Variants in PPP5C observed in about 807,000 individuals in gnomAD.
PPP5C encodes the protein serine/threonine-protein phosphatase 5.
PPP5C carries 21 observed loss-of-function variants against 66.7 expected under a neutral mutation model. The ratio of observed to expected loss-of-function variants is 0.31; its 90% confidence interval spans 0.22 to 0.45. The LOEUF (loss-of-function observed/expected upper bound fraction) is 0.45. Among genes scored for constraint, PPP5C ranks in the 20% least tolerant of loss-of-function variants. The probability of loss-of-function intolerance (pLI) is 1.00; values close to 1 mark genes in which losing one functional copy is unlikely to be tolerated. For synonymous variants in PPP5C, 246 were observed against 257.4 expected (o/e 0.96, Z 0.43); for missense variants, 464 against 675.9 (o/e 0.69, Z 3.48).
intron 1 of PPP5C, among the ~76,000 whole-genome samples, chr19:46,351,478 C>T (rs77696259): frequency 0.016 from 2,438 of 152,328 alleles, 70 homozygotes; most frequent in African/African-American, 0.056. Context: ...GTAAAATCCT[C>T]ACGGCCACCC....
At chr19:46,385,936 C>G (rs1972876446) in intron 7 of PPP5C, among the ~76,000 whole-genome samples, 1 of 143,826 alleles carries the variant, frequency 7.0e-6, no homozygotes, top group African/African-American at 2.6e-5. Context: ...AGAGCAAGAC[C>G]CTGTCTCTTT....
intron 2 of PPP5C, among the ~76,000 whole-genome samples, chr19:46,367,553 TAACTTAA>T (rs1041642940): frequency 6.6e-6 from 1 of 152,104 alleles, no homozygotes; most frequent in Non-Finnish European, 1.5e-5. Context: ...AGTGGATTTG[TAACTTAA>T]AACCCACTCA....
At chr19:46,350,329 A>T (rs886481157) in intron 1 of PPP5C, among the ~76,000 whole-genome samples, 1 of 152,180 alleles carries the variant, frequency 6.6e-6, no homozygotes, top group Non-Finnish European at 1.5e-5. Context: ...TGTCTCAGCC[A>T]GGTGATGGGG....
chr19:46,350,920 G>A (rs1318914996), intron 1 of PPP5C, among the ~76,000 whole-genome samples: 1 of 152,172 alleles, frequency 6.6e-6, no homozygotes, highest in Non-Finnish European at 1.5e-5. Flanking sequence ...GGGCTCAGAG[G>A]ACTGTCCCCT....
intron 2 of PPP5C, among the ~76,000 whole-genome samples, chr19:46,363,641 G>A (rs976138107): frequency 6.6e-6 from 1 of 151,916 alleles, no homozygotes; most frequent in South Asian, 2.1e-4. Context: ...ATGTTGGCCA[G>A]ATGGTCTCGA....
chr19:46,386,077 T>A (rs961731423), intron 7 of PPP5C, among the ~76,000 whole-genome samples: 1 of 152,082 alleles, frequency 6.6e-6, no homozygotes, highest in African/African-American at 2.4e-5. Context: ...TCTGGAGGGC[T>A]ATGGCTGCCA....
intron 2 of PPP5C, among the ~76,000 whole-genome samples, chr19:46,366,455 C>G (rs1972492970): frequency 6.6e-6 from 1 of 152,042 alleles, no homozygotes; most frequent in South Asian, 2.1e-4. Context: ...AAGTGATCCT[C>G]CCACCTCAGC....
intron 2 of PPP5C, among the ~76,000 whole-genome samples, chr19:46,357,870 C>T (rs959017766): frequency 2.0e-5 from 3 of 152,174 alleles, no homozygotes; most frequent in Non-Finnish European, 4.4e-5. Flanking sequence ...CCAGTCCTTT[C>T]GGGTTTTTAT....
intron 1 of PPP5C, among the ~76,000 whole-genome samples, chr19:46,349,982 G>T (rs1301472819): frequency 2.0e-5 from 3 of 150,944 alleles, no homozygotes; most frequent in Non-Finnish European, 3.0e-5. Flanking sequence ...AGTAGATTGC[G>T]CAGGGCTGTA....
chr19:46,373,114 T>C (rs1972623910), intron 2 of PPP5C, among the ~76,000 whole-genome samples: 1 of 152,228 alleles, frequency 6.6e-6, no homozygotes, highest in South Asian at 2.1e-4. Context: ...CTGGCAGGCC[T>C]GGATTCAGAC....
chr19:46,390,028 C>T (rs1419290213), intron 11 of PPP5C, 23 bp from the exon 12 acceptor site: 1 of 1,611,564 alleles, frequency 6.2e-7, no homozygotes, highest in African/African-American at 1.3e-5. Flanking sequence ...ACCACACTGT[C>T]CACTCTGCTC....
rs1972698758 is a variant in PPP5C, at chr19:46,376,495, A to G, written c.554A>G (p.Lys185Arg). 6.2e-6 allele frequency: 10 copies of G among 1,613,852 alleles called. No homozygotes were observed. The South Asian group carries it at 1.1e-4, about 18-fold the overall frequency. Residue 185 changes from lysine (K) to arginine (R), a missense_variant, in exon 4 of 13, where the codon AAA (lysine) becomes AGA (arginine). Physicochemically the swap from Lys to Arg is conservative, Grantham distance 26. This residue lies in a region of PPP5C where 387 missense variants were observed against 626.0 expected (regional missense o/e 0.62). Transcript: ENST00000012443. This position sits in a 1 kb window ranked among gnomAD's most constrained non-coding sequence, Gnocchi z 5.1. Reference sequence around the variant, plus strand: ...AGCGGACCCAAGCTTGAAGACGGCAAAGTGACAATCAGTTTCATGAAGGAG... The same window carrying G: ...AGCGGACCCAAGCTTGAAGACGGCAGAGTGACAATCAGTTTCATGAAGGAG... ...EYSGPKLEDG[K>R]VTISFMKELM...
intron 2 of PPP5C, among the ~76,000 whole-genome samples, chr19:46,372,524 C>T (rs149539318): frequency 6.6e-6 from 1 of 152,192 alleles, no homozygotes; most frequent in Admixed American, 6.5e-5. Context: ...TCTACCAAAT[C>T]ACCTTACTAA....
chr19:46,360,034 C>T (rs1972356412), intron 2 of PPP5C, among the ~76,000 whole-genome samples: 1 of 152,080 alleles, frequency 6.6e-6, no homozygotes, highest in African/African-American at 2.4e-5. Flanking sequence ...CTGCCTCGGC[C>T]TCACAGAGTG....
chr19:46,385,390 TC>T (rs1972864770), intron 7 of PPP5C, among the ~76,000 whole-genome samples: 1 of 152,148 alleles, frequency 6.6e-6, no homozygotes, highest in Non-Finnish European at 1.5e-5. Context: ...ACACCTGTAA[TC>T]CCAGCACTTT....
At chr19:46,357,143 G>A (rs1457794369) in intron 2 of PPP5C, among the ~76,000 whole-genome samples, 1 of 152,192 alleles carries the variant, frequency 6.6e-6, no homozygotes, top group East Asian at 1.9e-4. Context: ...TGCCTCTTGG[G>A]TTCAAGCGAT....
chr19:46,357,945 A>G (rs1422613039), intron 2 of PPP5C, among the ~76,000 whole-genome samples: 2 of 152,164 alleles, frequency 1.3e-5, no homozygotes, highest in Non-Finnish European at 2.9e-5. Context: ...CTTAACCTTC[A>G]GCCCTTCTCC....
In PPP5C at chr19:46,388,364, G is replaced by A. The variant is rs780755801; in HGVS notation, c.1136-44G>A. 3.5e-5 allele frequency: 55 copies of A among 1,583,318 alleles called. No homozygotes were observed. The highest frequency in any genetic ancestry group is 3.3e-4 in the South Asian group (29 of 87,750). ...AGGTGGCCTGTGAGTGACCACCCCC[G>A]GGGAGGTGGACGAGTCCCTAATGTT... On this transcript the variant is annotated intron_variant, in intron 9 of 12. Coordinates refer to ENST00000012443, the MANE Select transcript of PPP5C (RefSeq NM_006247.4). The surrounding 1 kb of genome is among the most constrained non-coding windows in gnomAD (Gnocchi z 4.9).
chr19:46,367,330 C>T (rs1972507927), intron 2 of PPP5C, among the ~76,000 whole-genome samples: 1 of 152,144 alleles, frequency 6.6e-6, no homozygotes, highest in Non-Finnish European at 1.5e-5. Flanking sequence ...ACTGTACCAG[C>T]GTATTTCTCC....
Sources: gnomAD v4.1 joint callset for allele counts (sites outside exome capture counted in the v4.1 genomes callset) on GRCh38, gnomAD v4.1.1 for gene constraint, gnomAD v4.1.1 regional missense constraint, Gnocchi (gnomAD v3.1) non-coding constraint, MANE v1.5 for transcripts, NCBI Gene and HGNC (gene_info 2026-07-23, HGNC 2026-07-21) for gene names.